The following RRM2B variants were observed in gnomAD, a reference collection of about 807,000 sequenced individuals.
RRM2B encodes the protein ribonucleotide reductase regulatory TP53 inducible subunit M2B.
Under a neutral mutation model 45.9 loss-of-function variants are expected in RRM2B, and 20 were observed. The ratio of observed to expected loss-of-function variants is 0.44; its 90% CI spans 0.31 to 0.63. The LOEUF (loss-of-function observed/expected upper bound fraction) is 0.63. Among genes scored for constraint, RRM2B ranks in the 30% least tolerant of loss-of-function variants. The pLI is 0.09. For synonymous variants in RRM2B, 124 were observed against 132.3 expected (o/e 0.94, Z 0.43); for missense variants, 320 against 414.7 (o/e 0.77, Z 1.98).
Position 102,206,508 on chromosome 8 carries a change from C to G in RRM2B, c.*1625G>C, listed in dbSNP as rs1386319201. On this transcript the variant is annotated 3_prime_UTR_variant, in exon 9 of 9. Coordinates refer to ENST00000251810, the MANE Select transcript of RRM2B (RefSeq NM_015713.5). ...TGCTCCTTTTGCATTCACTTGAGAA[C>G]TCCCAGTTTTGATTAGATTGTTATG... 3 of 152,152 alleles carry G rather than the reference C, an allele frequency of 2.0e-5. No individual in the cohort carries two copies. Among genetic ancestry groups the G allele is most frequent in the Non-Finnish European group, 4.4e-5 (3 of 68,018 alleles). The allele number at this position is 152,152 out of a possible 1,614,324, so 9.4% of individuals were successfully genotyped here.
chr8:102,215,628 A>G (rs1216185350), intron 6 of RRM2B, among the ~76,000 whole-genome samples: 1 of 152,068 alleles, frequency 6.6e-6, no homozygotes, highest in East Asian at 1.9e-4. Flanking sequence ...CAAGTACCTA[A>G]ATGGGATTGT....
chr8:102,231,127 A>G (rs533622023), intron 2 of RRM2B, among the ~76,000 whole-genome samples: 112 of 152,354 alleles, frequency 7.4e-4, no homozygotes, highest in African/African-American at 2.6e-3. Context: ...GGTATCACCC[A>G]TTATATTTAA....
In RRM2B at chr8:102,206,068, T is replaced by C. The variant is rs1810539284; in HGVS notation, c.*2065A>G. ...ATCAGTTTTAAATGTTAAGTTTTTG[T>C]ATGGCAATATATAAATATCTTTAAA... On this transcript the variant is annotated 3_prime_UTR_variant, in exon 9 of 9. Coordinates refer to ENST00000251810, the MANE Select transcript of RRM2B (RefSeq NM_015713.5). 2 of 152,122 alleles carry C rather than the reference T, an allele frequency of 1.3e-5. No individual in the cohort carries two copies. Among genetic ancestry groups the C allele is most frequent in the Admixed American group, 1.3e-4 (2 of 15,270 alleles). 9.4% of individuals were successfully genotyped at this position (152,122 alleles called of 1,614,324 possible).
intron 2 of RRM2B, among the ~76,000 whole-genome samples, chr8:102,231,920 A>G (rs1232022912): frequency 6.6e-6 from 1 of 152,152 alleles, no homozygotes. Flanking sequence ...TATATTGGAA[A>G]TAAAAATCTG....
rs1810546073 is a variant in RRM2B, at chr8:102,206,483, T to C, written c.*1650A>G. The C allele has an allele frequency of 1.3e-5, 2 of 152,186 alleles. No individual in the cohort carries two copies. The highest frequency in any genetic ancestry group is 1.3e-4 in the Admixed American group (2 of 15,278). 9.4% of individuals were successfully genotyped at this position (152,186 alleles called of 1,614,324 possible). A position where few individuals can be genotyped will look rare whatever the true frequency, so the allele number is the denominator to read the frequency against. On this transcript the variant is annotated 3_prime_UTR_variant, in exon 9 of 9. Coordinates refer to ENST00000251810, the MANE Select transcript of RRM2B (RefSeq NM_015713.5). ...GTATCTAACAAATAAAGTTATGGCC[T>C]GCTCCTTTTGCATTCACTTGAGAAC...
Position 102,230,447 on chromosome 8 carries a change from A to AC in RRM2B, c.204+1701dup, listed in dbSNP as rs545874703. 1.1e-3 allele frequency among the ~76,000 whole-genome samples: 169 copies of AC among 152,294 alleles called. 1 individual carries two copies. The highest frequency in any genetic ancestry group is 3.8e-3 in the African/African-American group (157 of 41,560). ...TTCAAGAATCCTAAGAATCCTAAGT[A>AC]CCTTTTTAACATAATGAACGAAAAA... On this transcript the variant is annotated intron_variant, in intron 2 of 8. Coordinates refer to ENST00000251810, the MANE Select transcript of RRM2B (RefSeq NM_015713.5).
rs1810580183 is a variant in RRM2B at position 102,208,410 on chromosome 8, T to A, written c.904-125A>T. On this transcript the variant is annotated intron_variant, in intron 8 of 8. Coordinates refer to ENST00000251810, the MANE Select transcript of RRM2B (RefSeq NM_015713.5). ...CTATCTAGTCAGCTACAAGATCATA[T>A]CATTCCCCTAAGACCCTGGAGGTAC... 4 of 744,534 alleles carry A rather than the reference T, an allele frequency of 5.4e-6. 1 individual carries two copies. In the South Asian group the frequency reaches 6.5e-5, roughly 12 times the overall value. 46.1% of individuals were successfully genotyped at this position (744,534 alleles called of 1,614,324 possible). A position where few individuals can be genotyped will look rare whatever the true frequency, so the allele number is the denominator to read the frequency against.
Position 102,208,223 on chromosome 8 carries a change from ATTTG to A in RRM2B, c.962_965del (p.Thr321IlefsTer46). 1 of 1,608,060 alleles carries A rather than the reference ATTTG, an allele frequency of 6.2e-7. No individual in the cohort carries two copies. The highest frequency in any genetic ancestry group is 8.5e-7 in the Non-Finnish European group (1 of 1,174,812). On this transcript the variant is annotated frameshift_variant, in exon 9 of 9. Coordinates refer to ENST00000251810, the MANE Select transcript of RRM2B (RefSeq NM_015713.5). LOFTEE classifies it high-confidence loss of function. ...ACTCTGAAACTCGTTTCTCAAAGAA[ATTTG>A]TTTTTCCTTCTAAAGAAATGTTTTC...
At chr8:102,216,209 C>T (rs1810728206) in intron 6 of RRM2B, among the ~76,000 whole-genome samples, 1 of 151,816 alleles carries the variant, frequency 6.6e-6, no homozygotes, top group Non-Finnish European at 1.5e-5. Flanking sequence ...GATTACTTAA[C>T]AAGGCAAATT....
intron 8 of RRM2B, among the ~76,000 whole-genome samples, chr8:102,211,595 T>C (rs372778131): frequency 4.6e-5 from 7 of 152,308 alleles, no homozygotes; most frequent in Admixed American, 1.3e-4. Context: ...GAGGATATGG[T>C]AATGGGTTAA....
At chr8:102,223,038 A>C (rs1347680674) in intron 5 of RRM2B, among the ~76,000 whole-genome samples, 1 of 152,178 alleles carries the variant, frequency 6.6e-6, no homozygotes, top group South Asian at 2.1e-4. Flanking sequence ...TGAGACCAAA[A>C]ATTTTGAGAC....
intron 2 of RRM2B, 32 bp downstream of exon 2, chr8:102,232,117 A>T (rs760106183): frequency 6.3e-7 from 1 of 1,596,712 alleles, no homozygotes; most frequent in Non-Finnish European, 8.6e-7. Flanking sequence ...GCACTATAGG[A>T]TGTGAATGCT....
chr8:102,227,393 G>C (rs1261576333), intron 2 of RRM2B, among the ~76,000 whole-genome samples: 1 of 151,486 alleles, frequency 6.6e-6, no homozygotes, highest in Admixed American at 6.6e-5. Flanking sequence ...TGCCTCCTAG[G>C]CTCAAGCAAT....
chr8:102,228,037 C>A (rs186970597), intron 2 of RRM2B, among the ~76,000 whole-genome samples: 1 of 152,172 alleles, frequency 6.6e-6, no homozygotes, highest in African/African-American at 2.4e-5. Flanking sequence ...GGAACTGCAG[C>A]CCAAAGTGAC....
chr8:102,208,128 G>A lies in RRM2B; in HGVS notation c.*5C>T, dbSNP rs202129216. 6.2e-7 allele frequency: 1 copy of A among 1,610,448 alleles called. No homozygotes were observed. The highest frequency in any genetic ancestry group is 1.7e-5 in the Admixed American group (1 of 59,936). On this transcript the variant is annotated 3_prime_UTR_variant, in exon 9 of 9. Transcript: ENST00000251810. Reference sequence around the variant, plus strand: ...AGTTTATAGAGTTTTAAAACGAGAGGTTTTTTAAAAATCTGCATCCAAGGT... The same window carrying A: ...AGTTTATAGAGTTTTAAAACGAGAGATTTTTTAAAAATCTGCATCCAAGGT...
At position 102,212,809 on chromosome 8, in the gene RRM2B, A is replaced by G; in HGVS notation, c.870T>C (p.Ala290=). ...ILMKQYIEFV[A]DRLLVELGFS... ...ATCCAAGTTCCACAAGTAATCTGTC[A>G]GCTACAAACTCAATGTACTGTTTCA... The change falls in exon 8 of 9, where the codon GCT becomes GCC. Residue 290 remains alanine, a synonymous_variant. Coordinates refer to ENST00000251810, the MANE Select transcript of RRM2B (RefSeq NM_015713.5). The G allele has an allele frequency of 6.2e-7, 1 of 1,606,568 alleles. No individual in the cohort carries two copies. Among genetic ancestry groups the G allele is most frequent in the Non-Finnish European group, 8.5e-7 (1 of 1,173,320 alleles).
chr8:102,228,974 G>A (rs756769324), intron 2 of RRM2B, among the ~76,000 whole-genome samples: 5 of 152,002 alleles, frequency 3.3e-5, no homozygotes, highest in South Asian at 2.1e-4. Context: ...ACAAACCCTC[G>A]GCTGGGCACG....
chr8:102,222,154 T>C (rs2132552615), intron 5 of RRM2B, among the ~76,000 whole-genome samples: 1 of 152,030 alleles, frequency 6.6e-6, no homozygotes, highest in East Asian at 1.9e-4. Context: ...TAGCTCACTG[T>C]AGCCTCAAAC....
chr8:102,231,077 G>C (rs757876503), intron 2 of RRM2B, among the ~76,000 whole-genome samples: 4 of 152,148 alleles, frequency 2.6e-5, no homozygotes, highest in Non-Finnish European at 5.9e-5. Flanking sequence ...TATCTATAGA[G>C]ATACATATAC....
Sources: allele counts gnomAD v4.1 joint callset (sites outside exome capture counted in the v4.1 genomes callset), GRCh38; gene constraint gnomAD v4.1.1; transcripts MANE v1.5; gene names NCBI Gene and HGNC (gene_info 2026-07-23, HGNC 2026-07-21).